TMEM108: variants seen among roughly 807,000 people sequenced by gnomAD.
TMEM108 encodes transmembrane protein 108, also known as cancer/testis antigen 124.
Under a neutral mutation model 35.1 loss-of-function variants are expected in TMEM108, and 12 were observed. That is an observed-to-expected ratio of 0.34 (90% confidence interval 0.22 to 0.55). The LOEUF is 0.55. Ranked by LOEUF, TMEM108 falls within the 20% of genes least tolerant of loss-of-function variation. The pLI, the probability that TMEM108 is intolerant of heterozygous loss-of-function variation, is 0.89. For missense variants in TMEM108, 680 were observed against 753.3 expected, an observed-to-expected ratio of 0.90 and a Z score of 1.14; for synonymous variants, 287 against 308.6, an observed-to-expected ratio of 0.93 and a Z score of 0.73.
chr3:133,380,597 G>A lies in TMEM108; in HGVS notation c.886G>A (p.Gly296Arg). The A allele has an allele frequency of 6.2e-7, 1 of 1,613,378 alleles. No homozygotes were observed. Among genetic ancestry groups the A allele is most frequent in the Non-Finnish European group, 8.5e-7 (1 of 1,179,646 alleles). ...TGGTTCTACCTTCACCAGCCAAGGA[G>A]GGACACCAGATGCCACAGCAGCCTC... The part of the protein sequence containing the change: ...GGGSTFTSQG[G>R]TPDATAASGA... Residue 296 changes from glycine (G) to arginine (R), a missense_variant, in exon 4 of 6, where the codon GGG (glycine) becomes AGG (arginine). Gly to Arg is a moderately radical substitution (Grantham distance 125). Around this residue, in one of 3 missense-constraint regions of TMEM108, gnomAD observed 526 missense variants for 532.1 expected, o/e 0.99. Coordinates refer to ENST00000321871, the MANE Select transcript of TMEM108 (RefSeq NM_023943.4). This position sits in a 1 kb window ranked among gnomAD's most constrained non-coding sequence, Gnocchi z 5.3.
chr3:133,158,703 T>C (rs951633536), intron 2 of TMEM108, among the ~76,000 whole-genome samples: 2 of 151,996 alleles, frequency 1.3e-5, no homozygotes. Flanking sequence ...TGGCGGGAGA[T>C]GTGAAGGAGC....
At chr3:133,167,683 G>A (rs968584626) in intron 2 of TMEM108, among the ~76,000 whole-genome samples, 24 of 152,320 alleles carry the variant, frequency 1.6e-4, no homozygotes, top group African/African-American at 4.3e-4. Flanking sequence ...CCGACCGCTC[G>A]GAGTGTGGGG....
intron 2 of TMEM108, among the ~76,000 whole-genome samples, chr3:133,209,788 G>A (rs1265327714): frequency 6.6e-6 from 1 of 152,152 alleles, no homozygotes; most frequent in Non-Finnish European, 1.5e-5. Context: ...TCTACCCTGA[G>A]AATGAATGAT....
At chr3:133,165,218 A>G (rs1445734204) in intron 2 of TMEM108, among the ~76,000 whole-genome samples, 1 of 152,178 alleles carries the variant, frequency 6.6e-6, no homozygotes, top group Non-Finnish European at 1.5e-5. Context: ...TAAGGCATGG[A>G]TTGAGGAGAA....
intron 4 of TMEM108, among the ~76,000 whole-genome samples, chr3:133,389,860 G>A (rs1289630890): frequency 2.0e-5 from 3 of 152,102 alleles, no homozygotes; most frequent in African/African-American, 7.2e-5. Context: ...ATATTTCTAT[G>A]TCCTTGGAAC....
chr3:133,258,897 A>T (rs1012799301), intron 3 of TMEM108, among the ~76,000 whole-genome samples: 14 of 152,254 alleles, frequency 9.2e-5, no homozygotes, highest in African/African-American at 3.4e-4. Context: ...CTGACAAGAT[A>T]TAGAAAAGTG....
At chr3:133,232,642 G>A (rs1040833956) in intron 3 of TMEM108, among the ~76,000 whole-genome samples, 1 of 152,220 alleles carries the variant, frequency 6.6e-6, no homozygotes, top group Middle Eastern at 3.2e-3. Context: ...ACTGAGGCTT[G>A]TATGTGCCCA....
At chr3:133,341,027 T>C (rs940508890) in intron 3 of TMEM108, among the ~76,000 whole-genome samples, 7 of 151,828 alleles carry the variant, frequency 4.6e-5, no homozygotes, top group Admixed American at 1.3e-4. Flanking sequence ...CACTTCCACA[T>C]TGTTATTCAA....
At chr3:133,285,703 C>T (rs538171043) in intron 3 of TMEM108, among the ~76,000 whole-genome samples, 5 of 152,272 alleles carry the variant, frequency 3.3e-5, no homozygotes, top group South Asian at 2.1e-4. Context: ...AGCCTAATCC[C>T]GATCCCCTAG....
At chr3:133,391,931 T>C (rs1271461925) in intron 5 of TMEM108, among the ~76,000 whole-genome samples, 3 of 152,150 alleles carry the variant, frequency 2.0e-5, no homozygotes, top group Admixed American at 1.3e-4. Flanking sequence ...TCTCCCCTAC[T>C]TGAGTAACCA....
At chr3:133,203,576 T>C (rs916380263) in intron 2 of TMEM108, among the ~76,000 whole-genome samples, 9 of 152,228 alleles carry the variant, frequency 5.9e-5, no homozygotes, top group Admixed American at 5.2e-4. Context: ...TCATTGGTTC[T>C]GTTTATGTGA....
At chr3:133,354,321 G>C (rs1282818320) in intron 3 of TMEM108, among the ~76,000 whole-genome samples, 3 of 152,102 alleles carry the variant, frequency 2.0e-5, no homozygotes, top group Non-Finnish European at 4.4e-5. Flanking sequence ...CCTGGCTGGG[G>C]CACATCTGGA....
At chr3:133,172,425 A>T (rs1377579524) in intron 2 of TMEM108, among the ~76,000 whole-genome samples, 2 of 152,260 alleles carry the variant, frequency 1.3e-5, no homozygotes, top group Non-Finnish European at 2.9e-5. Context: ...GACAATAATG[A>T]CATGGTAGGT....
chr3:133,148,236 A>G lies in TMEM108; in HGVS notation c.-46-81030A>G, dbSNP rs575064876. 2.1e-4 allele frequency among the ~76,000 whole-genome samples: 32 copies of G among 152,310 alleles called. 1 individual carries two copies. The South Asian group carries it at 5.8e-3, about 28-fold the overall frequency. On this transcript the variant is annotated intron_variant, in intron 2 of 5. Transcript: ENST00000321871. The stretch of plus-strand genomic sequence containing the variant: ...ACTGGGAGAGGAAAATACAAGAGGA[A>G]CTGAGAGCATCTTTTGGTGCCAGAA...
rs372374586 is a variant in TMEM108, at chr3:133,380,963, C to G, written c.1252C>G (p.Leu418Val). 4.3e-6 allele frequency: 7 copies of G among 1,614,080 alleles called. No individual in the cohort carries two copies. Among genetic ancestry groups the G allele is most frequent in the Admixed American group, 1.7e-5 (1 of 60,006 alleles). Residue 418 changes from leucine (L) to valine (V), a missense_variant, in exon 4 of 6, where the codon CTC (leucine) becomes GTC (valine). Leu to Val is a conservative substitution (Grantham distance 32, BLOSUM62 1). This residue lies in a region of TMEM108 where 526 missense variants were observed against 532.1 expected (regional missense o/e 0.99). Transcript: ENST00000321871. The surrounding 1 kb of genome is among the most constrained non-coding windows in gnomAD (Gnocchi z 5.3). ...LTMTDRVPSP[L>V]STVVSTATGN... is the part of the protein sequence containing the mutation. Reference sequence around the variant, plus strand: ...CATGACCGACCGGGTGCCCAGTCCTCTCTCCACAGTGGTATCCACAGCCAC... The same window carrying G: ...CATGACCGACCGGGTGCCCAGTCCTGTCTCCACAGTGGTATCCACAGCCAC...
chr3:133,185,308 G>A (rs1945402723), intron 2 of TMEM108, among the ~76,000 whole-genome samples: 1 of 151,996 alleles, frequency 6.6e-6, no homozygotes, highest in Non-Finnish European at 1.5e-5. Flanking sequence ...TTCCTAATTG[G>A]GGTCCAAGCT....
intron 2 of TMEM108, among the ~76,000 whole-genome samples, chr3:133,175,061 G>A (rs59081958): frequency 0.017 from 2,603 of 152,280 alleles, 97 homozygotes; most frequent in African/African-American, 0.059. Context: ...CGATCAACTG[G>A]AAGAAAGGGT....
intron 2 of TMEM108, among the ~76,000 whole-genome samples, chr3:133,123,150 G>T (rs927802700): frequency 6.6e-6 from 1 of 152,078 alleles, no homozygotes; most frequent in Non-Finnish European, 1.5e-5. Context: ...TTAGACATCT[G>T]TTCACATCAG....
rs147188846 is a variant in TMEM108, at chr3:133,218,459, G to A, written c.-46-10807G>A. On this transcript the variant is annotated intron_variant, in intron 2 of 5. Coordinates refer to ENST00000321871, the MANE Select transcript of TMEM108 (RefSeq NM_023943.4). ...TATATTGAATAGAAGTGACAGTAAT[G>A]GCTTCTTTGTCTTGTTCCTGATCTT... Among the ~76,000 whole-genome samples the A allele has an allele frequency of 9.1e-3, 1,387 of 151,930 alleles. 17 individuals carry two copies. The highest frequency in any genetic ancestry group is 0.032 in the African/African-American group (1,319 of 41,484).
Sources: gnomAD v4.1 joint callset for allele counts (sites outside exome capture counted in the v4.1 genomes callset) on GRCh38, gnomAD v4.1.1 for gene constraint, gnomAD v4.1.1 regional missense constraint, Gnocchi (gnomAD v3.1) non-coding constraint, MANE v1.5 for transcripts, NCBI Gene and HGNC (gene_info 2026-07-23, HGNC 2026-07-21) for gene names.